The following C7orf57 variants were observed in gnomAD, a reference collection of about 807,000 sequenced individuals.
C7orf57 encodes uncharacterized protein C7orf57.
Under a neutral mutation model 39.0 loss-of-function variants are expected in C7orf57, and 33 were observed. That is an observed-to-expected ratio of 0.85 (90% CI 0.64 to 1.13). C7orf57 has a LOEUF of 1.13. Ranked by LOEUF, C7orf57 falls within the 50% of genes most tolerant of loss-of-function variation. C7orf57 has a pLI of 0.00. For missense variants in C7orf57, 346 were observed against 362.3 expected, an observed-to-expected ratio of 0.95 and a Z score of 0.37; for synonymous variants, 124 against 137.1, an observed-to-expected ratio of 0.90 and a Z score of 0.67.
chr7:48,050,025 G>A (rs1211268233), intron 6 of C7orf57, 48 bp downstream of exon 6: 7 of 1,332,292 alleles, frequency 5.3e-6, no homozygotes, highest in East Asian at 2.3e-5. Context: ...GTTTGGGTTT[G>A]GCCTTCCGTC....
chr7:48,045,186 G>T (rs1790677986), intron 4 of C7orf57, among the ~76,000 whole-genome samples: 1 of 152,230 alleles, frequency 6.6e-6, no homozygotes, highest in African/African-American at 2.4e-5. Flanking sequence ...CCTGGGACAG[G>T]CAGAGGATGA....
intron 6 of C7orf57, among the ~76,000 whole-genome samples, chr7:48,051,683 C>T (rs1165733460): frequency 2.7e-5 from 4 of 147,378 alleles, no homozygotes; most frequent in Non-Finnish European, 4.5e-5. Context: ...TTCCTTCCTT[C>T]CTTCCCTTTC....
At chr7:48,054,656 A>C in intron 8 of C7orf57, 50 bp downstream of exon 8, 1 of 1,495,122 alleles carries the variant, frequency 6.7e-7, no homozygotes, top group Non-Finnish European at 9.1e-7. Flanking sequence ...GTCTTACACA[A>C]AGAAATTGAT....
At chr7:48,053,104 T>C (rs1455096568) in intron 7 of C7orf57, 181 bp downstream of exon 7, 1 of 698,660 alleles carries the variant, frequency 1.4e-6, no homozygotes, top group East Asian at 2.7e-5. Context: ...GTTTTGCTCT[T>C]TCCTCTTTAT....
At chr7:48,041,173 G>A (rs1242628467) in intron 2 of C7orf57, among the ~76,000 whole-genome samples, 161 bp from the exon 3 acceptor site, 3 of 152,182 alleles carry the variant, frequency 2.0e-5, no homozygotes, top group African/African-American at 2.4e-5. Flanking sequence ...TATGACTCAC[G>A]TCAGTAACCC....
At position 48,060,430 on chromosome 7, in the gene C7orf57, G is replaced by C; in HGVS notation, c.*158G>C. On this transcript the variant is annotated 3_prime_UTR_variant, in exon 9 of 9. Transcript: ENST00000348904. The stretch of plus-strand genomic sequence containing the variant: ...AGATTTGACATTGCTGCATAGAAGG[G>C]GCAGGTGTTGGTTTTTGTTTCTTGC... The C allele has an allele frequency of 2.0e-6, 1 of 492,212 alleles. No individual in the cohort carries two copies. Among genetic ancestry groups the C allele is most frequent in the Non-Finnish European group, 3.7e-6 (1 of 270,630 alleles). The allele number at this position is 492,212 out of a possible 1,614,324, so 30.5% of individuals were successfully genotyped here. A position where few individuals can be genotyped will look rare whatever the true frequency, so the allele number is the denominator to read the frequency against.
At chr7:48,052,272 TTTG>T (rs1325633425) in intron 6 of C7orf57, among the ~76,000 whole-genome samples, 9 of 152,042 alleles carry the variant, frequency 5.9e-5, no homozygotes, top group Non-Finnish European at 1.0e-4. Flanking sequence ...CACCCAGCAG[TTTG>T]TTGTTGTTTT....
At chr7:48,059,707 C>T (rs776104273) in intron 8 of C7orf57, among the ~76,000 whole-genome samples, 7 of 152,122 alleles carry the variant, frequency 4.6e-5, no homozygotes, top group Non-Finnish European at 1.0e-4. Flanking sequence ...ATTATTATTT[C>T]TTTATTGCAA....
Position 48,051,745 on chromosome 7 carries a change from T to C in C7orf57, c.606-955T>C, listed in dbSNP as rs1229004859. Among the ~76,000 whole-genome samples the C allele has an allele frequency of 3.7e-3, 215 of 58,500 alleles. 17 individuals are homozygous for C. The highest frequency in any genetic ancestry group is 4.9e-3 in the South Asian group (7 of 1,418). The allele number at this position is 58,500 out of a possible 152,430, so 38.4% of individuals were successfully genotyped here. A position where few individuals can be genotyped will look rare whatever the true frequency, so the allele number is the denominator to read the frequency against. On this transcript the variant is annotated intron_variant, in intron 6 of 8. Coordinates refer to ENST00000348904, the MANE Select transcript of C7orf57 (RefSeq NM_001100159.3). The stretch of plus-strand genomic sequence containing the variant: ...TTCTTTCTCTTTTTCTTTTCTTTCT[T>C]TTTCTTTTCTTTCTTTCTTTCTTTC...
chr7:48,049,813 T>G, intron 5 of C7orf57, 67 bp from the exon 6 acceptor site: 14 of 1,184,072 alleles, frequency 1.2e-5, no homozygotes, highest in African/African-American at 1.5e-5. Context: ...CTACCATTAG[T>G]GAGTTTTCTT....
At chr7:48,052,592 G>A (rs536711288) in intron 6 of C7orf57, 108 bp from the exon 7 acceptor site, 4 of 878,498 alleles carry the variant, frequency 4.6e-6, no homozygotes, top group South Asian at 3.1e-5. Context: ...GGTTTGTTAG[G>A]TTTAAAGGGA....
chr7:48,051,817 CTCTTTCTT>C (rs199558027), intron 6 of C7orf57, among the ~76,000 whole-genome samples: 9,333 of 50,882 alleles, frequency 0.18, 1,153 homozygotes, highest in East Asian at 0.23. Flanking sequence ...CTTTTCTCTT[CTCTTTCTT>C]TCTTTCTTTC....
intron 6 of C7orf57, among the ~76,000 whole-genome samples, chr7:48,050,689 G>C (rs1415069385): frequency 6.6e-6 from 1 of 152,170 alleles, no homozygotes; most frequent in Admixed American, 6.5e-5. Context: ...ACCTAGACAT[G>C]TATTTATAGA....
At chr7:48,043,412 A>G (rs1790609226) in intron 3 of C7orf57, 69 bp from the exon 4 acceptor site, 1 of 1,175,552 alleles carries the variant, frequency 8.5e-7, no homozygotes, top group Non-Finnish European at 1.2e-6. Flanking sequence ...TGAGCCTATC[A>G]CTGGCAATGC....
intron 4 of C7orf57, among the ~76,000 whole-genome samples, chr7:48,044,627 C>T (rs998936276): frequency 2.0e-5 from 3 of 152,184 alleles, no homozygotes; most frequent in Admixed American, 6.5e-5. Context: ...AGTCCTGTCT[C>T]TCAGTAGGAC....
chr7:48,038,431 G>A (rs1403856732), intron 2 of C7orf57, among the ~76,000 whole-genome samples: 1 of 152,174 alleles, frequency 6.6e-6, no homozygotes, highest in African/African-American at 2.4e-5. Context: ...AAGGGAGAGA[G>A]AGATTTGTTT....
intron 5 of C7orf57, 103 bp from the exon 6 acceptor site, chr7:48,049,777 T>G (rs1790819117): frequency 1.3e-6 from 1 of 770,198 alleles, no homozygotes; most frequent in African/African-American, 1.7e-5. Context: ...ACATTGAAAG[T>G]CCAGCCTATA....
In C7orf57 at chr7:48,041,381, G is replaced by A. The variant is rs748325661; in HGVS notation, c.103G>A (p.Ala35Thr). The A allele has an allele frequency of 6.2e-7, 1 of 1,613,922 alleles. No homozygotes were observed. The highest frequency in any genetic ancestry group is 1.1e-5 in the South Asian group (1 of 91,064). ...GAAGCGCTCTGAGAAGGCCGTGGAT[G>A]CCCCACCAGCGTCCCAGATCCCAGG... ...PVKRSEKAVD[A>T]PPASQIPGLS... The change falls in exon 3 of 9, where the codon GCC becomes ACC. Residue 35 changes from alanine to threonine, a missense_variant. By Grantham distance (58) the Ala-to-Thr change is moderately conservative. Transcript: ENST00000348904.
intron 3 of C7orf57, among the ~76,000 whole-genome samples, 193 bp from the exon 4 acceptor site, chr7:48,043,288 A>G (rs942620914): frequency 6.6e-6 from 1 of 152,188 alleles, no homozygotes; most frequent in Admixed American, 6.5e-5. Context: ...CCTGAGCACA[A>G]AGCAGGACGC....
Sources: allele counts gnomAD v4.1 joint callset (sites outside exome capture counted in the v4.1 genomes callset), GRCh38; gene constraint gnomAD v4.1.1; transcripts MANE v1.5; gene names NCBI Gene and HGNC (gene_info 2026-07-23, HGNC 2026-07-21).